Variants in KSR1 observed in about 807,000 individuals in gnomAD.
KSR1 encodes the protein kinase suppressor of ras 1.
KSR1 carries 35 observed loss-of-function variants against 92.9 expected under a neutral mutation model. The ratio of observed to expected loss-of-function variants is 0.38; its 90% CI spans 0.29 to 0.50. The LOEUF (loss-of-function observed/expected upper bound fraction) is 0.50. Among genes scored for constraint, KSR1 ranks in the 20% least tolerant of loss-of-function variants. The pLI is 0.94. For missense variants in KSR1, 972 were observed against 1,158.5 expected (o/e 0.84, Z 2.34); for synonymous variants, 467 against 472.6 (o/e 0.99, Z 0.15).
intron 6 of KSR1, among the ~76,000 whole-genome samples, chr17:27,589,345 CT>C (rs780642067): frequency 5.9e-5 from 9 of 152,106 alleles, no homozygotes; most frequent in African/African-American, 1.7e-4. Flanking sequence ...TGCTCGGGGC[CT>C]TTTTTGGCCT....
At chr17:27,601,799 C>G (rs781547306) in intron 11 of KSR1, 21 of 887,528 alleles carry the variant, frequency 2.4e-5, no homozygotes, top group Non-Finnish European at 3.5e-5. Flanking sequence ...GGGAGGATAT[C>G]TTATGCACAA....
chr17:27,548,221 C>T lies in KSR1; in HGVS notation c.232-2347C>T, dbSNP rs182106771. 4.7e-4 allele frequency among the ~76,000 whole-genome samples: 66 copies of T among 139,968 alleles called. No homozygotes were observed. The East Asian group carries it at 6.6e-3, about 14-fold the overall frequency. 91.8% of individuals were successfully genotyped at this position (139,968 alleles called of 152,430 possible). A position where few individuals can be genotyped will look rare whatever the true frequency, so the allele number is the denominator to read the frequency against. ...GACCAGCCTAGGCAACATAGTGAGA[C>T]CCCATCTCAAAAAAAAAAAAAAAAG... is the stretch of plus-strand genomic sequence containing the variant. On this transcript the variant is annotated intron_variant, in intron 1 of 20. Transcript: ENST00000644974.
intron 2 of KSR1, among the ~76,000 whole-genome samples, chr17:27,551,520 A>G (rs572345254): frequency 6.6e-6 from 1 of 151,892 alleles, no homozygotes; most frequent in Admixed American, 6.6e-5. Context: ...AATCACATAC[A>G]TACTCCTAAC....
At position 27,611,605 on chromosome 17, in the gene KSR1, T is replaced by A; in HGVS notation, c.2469T>A (p.Ser823=). 1 of 1,613,864 alleles carries A rather than the reference T, an allele frequency of 6.2e-7. No homozygotes were observed. Among genetic ancestry groups the A allele is most frequent in the African/African-American group, 1.3e-5 (1 of 75,048 alleles). ...AAGGAATGAAGCGTGTCCTGACTTCTGTCAGCTTGGGGAAGGAAGTCAGTG... is the reference window on the plus strand; with the variant it reads ...AAGGAATGAAGCGTGTCCTGACTTCAGTCAGCTTGGGGAAGGAAGTCAGTG... ...SGEGMKRVLT[S]VSLGKEVSEI... Residue 823 remains serine, a synonymous_variant, in exon 18 of 21, where the codon TCT becomes TCA. Transcript: ENST00000644974.
chr17:27,494,197 G>T lies in KSR1; in HGVS notation c.231+37323G>T, dbSNP rs142812839. ...GCTTCCAGGAACAAAAAGTGGAGAT[G>T]ATTTTTTTTATGGCCCTTAAAGACT... On this transcript the variant is annotated intron_variant, in intron 1 of 20. Transcript: ENST00000644974. 2.0e-5 allele frequency among the ~76,000 whole-genome samples: 3 copies of T among 152,272 alleles called. No individual in the cohort carries two copies. In the East Asian group the frequency reaches 5.8e-4, roughly 29 times the overall value.
intron 1 of KSR1, among the ~76,000 whole-genome samples, chr17:27,480,510 G>A (rs2068480364): frequency 6.6e-6 from 1 of 152,118 alleles, no homozygotes. Flanking sequence ...TGATTCTCCT[G>A]CCTTAGCCTC....
At chr17:27,586,573 C>A (rs2072975791) in intron 5 of KSR1, among the ~76,000 whole-genome samples, 1 of 152,162 alleles carries the variant, frequency 6.6e-6, no homozygotes, top group African/African-American at 2.4e-5. Flanking sequence ...ACTCCCAGGG[C>A]CCTTCACAGA....
rs191263472 is a variant in KSR1, at chr17:27,495,163, C to T, written c.231+38289C>T. ...GAAATCAGACTTGATTTTAGCAGGA[C>T]AGGAGCTTGTGGGCTTCTGAAAGAA... On this transcript the variant is annotated intron_variant, in intron 1 of 20. Transcript: ENST00000644974. Among the ~76,000 whole-genome samples, 468 of 152,316 alleles carry T rather than the reference C, an allele frequency of 3.1e-3. 5 individuals are homozygous for T. The highest frequency in any genetic ancestry group is 0.01 in the African/African-American group (431 of 41,574).
chr17:27,510,554 G>A (rs756231156), intron 1 of KSR1, among the ~76,000 whole-genome samples: 18 of 151,872 alleles, frequency 1.2e-4, no homozygotes, highest in Non-Finnish European at 2.4e-4. Flanking sequence ...TCCTAACACC[G>A]AAGAGCTGAG....
At chr17:27,513,278 C>T (rs759372629) in intron 1 of KSR1, among the ~76,000 whole-genome samples, 3 of 152,132 alleles carry the variant, frequency 2.0e-5, no homozygotes, top group Non-Finnish European at 4.4e-5. Flanking sequence ...TGTTTGTTTA[C>T]ATTTTGAGGA....
At chr17:27,562,480 C>T (rs2071873360) in intron 2 of KSR1, among the ~76,000 whole-genome samples, 1 of 152,172 alleles carries the variant, frequency 6.6e-6, no homozygotes, top group Non-Finnish European at 1.5e-5. Context: ...CTTCTGTCGG[C>T]CACAGAACTT....
chr17:27,589,188 G>A (rs1416257054), intron 6 of KSR1, among the ~76,000 whole-genome samples: 1 of 152,090 alleles, frequency 6.6e-6, no homozygotes, highest in Admixed American at 6.6e-5. Context: ...CCATTTACAC[G>A]GCGTATCTGT....
intron 1 of KSR1, among the ~76,000 whole-genome samples, chr17:27,461,840 C>T (rs80235309): frequency 0.16 from 15,339 of 93,912 alleles, 1,021 homozygotes; most frequent in Middle Eastern, 0.28. Context: ...CAGGAAAGTG[C>T]GCCGCAGGTA....
In KSR1 at chr17:27,623,302, TC is replaced by T; in HGVS notation, c.2709-10del. On this transcript the variant is annotated splice_polypyrimidine_tract_variant and intron_variant, in intron 20 of 20. Coordinates refer to ENST00000644974, the MANE Select transcript of KSR1 (RefSeq NM_001394583.1). ...ATGGGGCTATAATTCTTGTTTTTGT[TC>T]CTCTTTGCAGCATTAACAGCAGCAA... The T allele has an allele frequency of 1.3e-6, 1 of 763,840 alleles. No homozygotes were observed. Among genetic ancestry groups the T allele is most frequent in the Non-Finnish European group, 2.4e-6 (1 of 417,244 alleles). 47.3% of individuals were successfully genotyped at this position (763,840 alleles called of 1,614,324 possible).
chr17:27,465,700 C>T (rs1420888166), intron 1 of KSR1, among the ~76,000 whole-genome samples: 8 of 152,080 alleles, frequency 5.3e-5, no homozygotes, highest in African/African-American at 1.4e-4. Context: ...TTTTGCTTTC[C>T]GCAAATATGA....
At chr17:27,478,593 C>T (rs1175303800) in intron 1 of KSR1, among the ~76,000 whole-genome samples, 2 of 152,086 alleles carry the variant, frequency 1.3e-5, no homozygotes, top group Non-Finnish European at 2.9e-5. Context: ...GAATCCTGTG[C>T]CCCCAGGTGT....
rs996991944 is a variant in KSR1 at position 27,601,809 on chromosome 17, A to G, written c.1510+408A>G. On this transcript the variant is annotated intron_variant, in intron 11 of 20. Transcript: ENST00000644974. ...ATGATGGGAGGATATCTTATGCACA[A>G]TGTCTTAGAGAAGTAGAAACCCATT... 2.5e-5 allele frequency: 24 copies of G among 948,406 alleles called. 1 individual carries two copies. In the South Asian group the frequency reaches 2.6e-4, roughly 10 times the overall value. 58.7% of individuals were successfully genotyped at this position (948,406 alleles called of 1,614,324 possible). A position where few individuals can be genotyped will look rare whatever the true frequency, so the allele number is the denominator to read the frequency against.
rs1295532322 is a variant in KSR1 at position 27,623,359 on chromosome 17, G to T, written c.2754G>T (p.Leu918Phe). The change falls in exon 21 of 21, where the codon TTG becomes TTT. Residue 918 changes from leucine (L) to phenylalanine (F), a missense_variant. Transcript: ENST00000644974. ...KVVPRFERFG[L>F]GVLESSNPKM ...TACCCCGGTTTGAAAGGTTTGGCTT[G>T]GGCGTCCTGGAGTCCAGTAATCCAA... 7.8e-6 allele frequency: 6 copies of T among 765,110 alleles called. No homozygotes were observed. In the East Asian group the frequency reaches 1.5e-4, roughly 19 times the overall value. 47.4% of individuals were successfully genotyped at this position (765,110 alleles called of 1,614,324 possible).
intron 1 of KSR1, among the ~76,000 whole-genome samples, chr17:27,512,944 C>G (rs1344502412): frequency 6.6e-6 from 1 of 152,130 alleles, no homozygotes; most frequent in African/African-American, 2.4e-5. Context: ...CCGGAGGCTC[C>G]CTGATCATGA....
Sources: allele counts gnomAD v4.1 joint callset (sites outside exome capture counted in the v4.1 genomes callset), GRCh38; gene constraint gnomAD v4.1.1; transcripts MANE v1.5; gene names NCBI Gene and HGNC (gene_info 2026-07-23, HGNC 2026-07-21).